Variants in VAPA observed in about 807,000 individuals in gnomAD.
VAPA encodes the protein VAMP associated protein A, also known as vesicle-associated membrane protein-associated protein A.
Under a neutral mutation model 25.6 loss-of-function variants are expected in VAPA, and 6 were observed. The observed-to-expected ratio is 0.23, with a 90% CI of 0.13 to 0.46. The LOEUF (loss-of-function observed/expected upper bound fraction) is 0.46, where lower values mean the gene tolerates loss of function less well. VAPA is among the 20% of genes least tolerant of loss of function. VAPA has a pLI of 0.99. For missense variants in VAPA, 244 were observed against 302.1 expected, an observed-to-expected ratio of 0.81 and a Z score of 1.43; for synonymous variants, 112 against 106.2, an observed-to-expected ratio of 1.05 and a Z score of -0.34.
chr18:9,948,533 T>G (rs772956331), intron 4 of VAPA: 2 of 152,072 alleles, frequency 1.3e-5, no homozygotes, highest in Non-Finnish European at 2.9e-5. Context: ...GATGATTCTT[T>G]TAGTTTTTTT....
chr18:9,957,822 T>G lies in VAPA; in HGVS notation c.*3611T>G, dbSNP rs2069566261. On this transcript the variant is annotated 3_prime_UTR_variant, in exon 6 of 6. Coordinates refer to ENST00000400000, the MANE Select transcript of VAPA (RefSeq NM_194434.3). ...ATTCTGATGGCAGATAGTCTCTTGC[T>G]TAGTGAGATGGAGTTAACTATTTTT... is the stretch of plus-strand genomic sequence containing the variant. 1 of 152,248 alleles carries G rather than the reference T, an allele frequency of 6.6e-6. No homozygotes were observed. The highest frequency in any genetic ancestry group is 2.4e-5 in the African/African-American group (1 of 41,472). The allele number at this position is 152,248 out of a possible 1,614,324, so 9.4% of individuals were successfully genotyped here. A position where few individuals can be genotyped will look rare whatever the true frequency, so the allele number is the denominator to read the frequency against.
chr18:9,944,624 G>A (rs1023199801), intron 4 of VAPA, among the ~76,000 whole-genome samples: 2 of 152,118 alleles, frequency 1.3e-5, no homozygotes, highest in Admixed American at 6.5e-5. Flanking sequence ...GAATTAGATG[G>A]TATTCATTTT....
intron 1 of VAPA, among the ~76,000 whole-genome samples, chr18:9,918,682 C>T (rs2069132731): frequency 2.0e-5 from 3 of 152,170 alleles, no homozygotes; most frequent in African/African-American, 7.2e-5. Flanking sequence ...TTTCTTTGTT[C>T]ATTTCATTGT....
intron 1 of VAPA, among the ~76,000 whole-genome samples, chr18:9,921,609 CAT>C (rs2069157286): frequency 6.6e-6 from 1 of 152,172 alleles, no homozygotes; most frequent in Admixed American, 6.5e-5. Flanking sequence ...ATCATCTCAA[CAT>C]AGTTTCTTTT....
At chr18:9,945,815 C>T (rs527280142) in intron 4 of VAPA, among the ~76,000 whole-genome samples, 237 of 152,162 alleles carry the variant, frequency 1.6e-3, no homozygotes, top group African/African-American at 5.4e-3. Context: ...CCTAAAGAAA[C>T]AGTAAATTGG....
At chr18:9,917,401 C>T (rs2143274578) in intron 1 of VAPA, among the ~76,000 whole-genome samples, 1 of 152,312 alleles carries the variant, frequency 6.6e-6, no homozygotes, top group South Asian at 2.1e-4. Context: ...AGCAATTCTC[C>T]TGCCTCAGTC....
rs1327336136 is a variant in VAPA, at chr18:9,959,230, CAAACAGTAAG to C, written c.*5020_*5029del. ...GTCCAAGTCAAATATTGACTCCTCA[CAAACAGTAAG>C]TATGGCAATTTTGTGATGCCTTTGA... On this transcript the variant is annotated 3_prime_UTR_variant, in exon 6 of 6. Transcript: ENST00000400000. The C allele has an allele frequency of 6.6e-6, 1 of 152,176 alleles. No homozygotes were observed. The highest frequency in any genetic ancestry group is 1.5e-5 in the Non-Finnish European group (1 of 68,022). 9.4% of individuals were successfully genotyped at this position (152,176 alleles called of 1,614,324 possible). A position where few individuals can be genotyped will look rare whatever the true frequency, so the allele number is the denominator to read the frequency against.
chr18:9,914,067 T>C lies in VAPA; in HGVS notation c.-190T>C, dbSNP rs983369187. ...GCGGCTGGTGTGGGGTTGAGTCAGT[T>C]GTGGGACCCGGAGCTGCTGACCCAG... On this transcript the variant is annotated 5_prime_UTR_variant, in exon 1 of 6. Coordinates refer to ENST00000400000, the MANE Select transcript of VAPA (RefSeq NM_194434.3). The C allele has an allele frequency of 5.7e-6, 3 of 522,958 alleles. No individual in the cohort carries two copies. The highest frequency in any genetic ancestry group is 4.2e-5 in the Admixed American group (1 of 23,956). 32.4% of individuals were successfully genotyped at this position (522,958 alleles called of 1,614,324 possible). A position where few individuals can be genotyped will look rare whatever the true frequency, so the allele number is the denominator to read the frequency against.
intron 2 of VAPA, among the ~76,000 whole-genome samples, chr18:9,933,457 A>C (rs904936958): frequency 6.6e-6 from 1 of 152,214 alleles, no homozygotes; most frequent in Non-Finnish European, 1.5e-5. Context: ...GAGATGGGAA[A>C]TAAAGATGAA....
At chr18:9,945,182 C>A in intron 4 of VAPA, 1 of 1,120,958 alleles carries the variant, frequency 8.9e-7, no homozygotes, top group African/African-American at 1.6e-5. Context: ...TTGAACTATG[C>A]CTAAAATTAC....
At chr18:9,927,337 C>A (rs1209271577) in intron 1 of VAPA, among the ~76,000 whole-genome samples, 2 of 152,096 alleles carry the variant, frequency 1.3e-5, no homozygotes, top group East Asian at 3.8e-4. Flanking sequence ...GGGGGAAAAG[C>A]TAGCTGTTCC....
chr18:9,922,967 T>C (rs1448598494), intron 1 of VAPA, among the ~76,000 whole-genome samples: 1 of 152,240 alleles, frequency 6.6e-6, no homozygotes, highest in Non-Finnish European at 1.5e-5. Flanking sequence ...CATTTCACTT[T>C]ATAAAAAATA....
intron 5 of VAPA, among the ~76,000 whole-genome samples, chr18:9,953,507 C>G (rs1479190512): frequency 6.6e-6 from 1 of 152,168 alleles, no homozygotes; most frequent in African/African-American, 2.4e-5. Context: ...GATACCATAT[C>G]TCTGTTTACG....
chr18:9,941,838 AAAG>A (rs1216383843), intron 4 of VAPA, among the ~76,000 whole-genome samples: 2 of 152,234 alleles, frequency 1.3e-5, no homozygotes, highest in African/African-American at 4.8e-5. Flanking sequence ...TCCCTTATTC[AAAG>A]AAAATACATT....
rs869048248 is a variant in VAPA at position 9,945,350 on chromosome 18, C to CTTTTTTT, written c.418-5023_418-5017dup. Among the ~76,000 whole-genome samples, 336 of 57,308 alleles carry CTTTTTTT rather than the reference C, an allele frequency of 5.9e-3. 53 individuals carry two copies. The highest frequency in any genetic ancestry group is 8.3e-3 in the Non-Finnish European group (285 of 34,438). 37.6% of individuals were successfully genotyped at this position (57,308 alleles called of 152,430 possible). ...TTCTTTGAGATTTGGGGAATATACT[C>CTTTTTTT]TTTTTTTTTTTTTTTTTTTTTTTTT... is the stretch of plus-strand genomic sequence containing the variant. On this transcript the variant is annotated intron_variant, in intron 4 of 5. Transcript: ENST00000400000.
At chr18:9,918,344 G>A (rs1229226064) in intron 1 of VAPA, among the ~76,000 whole-genome samples, 1 of 151,944 alleles carries the variant, frequency 6.6e-6, no homozygotes, top group Non-Finnish European at 1.5e-5. Flanking sequence ...CATTTCCTTT[G>A]CATTCAGACT....
chr18:9,923,452 A>G (rs2069173927), intron 1 of VAPA, among the ~76,000 whole-genome samples: 1 of 152,056 alleles, frequency 6.6e-6, no homozygotes, highest in South Asian at 2.1e-4. Context: ...TTATAGTATA[A>G]CTTGACAAAT....
Position 9,914,026 on chromosome 18 carries a change from A to G in VAPA, c.-231A>G, listed in dbSNP as rs1208662109. On this transcript the variant is annotated 5_prime_UTR_variant, in exon 1 of 6. Coordinates refer to ENST00000400000, the MANE Select transcript of VAPA (RefSeq NM_194434.3). ...GTCACGTGGGTCGCCGAGGCTCGCA[A>G]GTGCGCGTGGCCGTGGCGGCTGGTG... The G allele has an allele frequency of 1.3e-5, 6 of 453,030 alleles. No individual in the cohort carries two copies. The highest frequency in any genetic ancestry group is 2.0e-5 in the Non-Finnish European group (5 of 253,710). The allele number at this position is 453,030 out of a possible 1,614,324, so 28.1% of individuals were successfully genotyped here. A position where few individuals can be genotyped will look rare whatever the true frequency, so the allele number is the denominator to read the frequency against.
At position 9,959,721 on chromosome 18, in the gene VAPA, CAAAAAAAAAAAA is replaced by C. The variant is rs869151923; in HGVS notation, c.*5525_*5536del. On this transcript the variant is annotated 3_prime_UTR_variant, in exon 6 of 6. Coordinates refer to ENST00000400000, the MANE Select transcript of VAPA (RefSeq NM_194434.3). ...AGAGAGTGAGTTACTGACATTGTTC[CAAAAAAAAAAAA>C]AAAAAAAAAAAAAATGTGGAGGGTT... 1.4e-4 allele frequency: 13 copies of C among 93,444 alleles called. No individual in the cohort carries two copies. In the South Asian group the frequency reaches 2.7e-3, roughly 19 times the overall value. 5.8% of individuals were successfully genotyped at this position (93,444 alleles called of 1,614,324 possible).
Sources: allele counts gnomAD v4.1 joint callset (sites outside exome capture counted in the v4.1 genomes callset), GRCh38; gene constraint gnomAD v4.1.1; transcripts MANE v1.5; gene names NCBI Gene and HGNC (gene_info 2026-07-23, HGNC 2026-07-21).